Variants in FOXP2 observed in about 807,000 individuals in gnomAD.
FOXP2 encodes forkhead box P2, also known as forkhead box protein P2.
In FOXP2, 12 loss-of-function variants were observed where a neutral mutation model predicts 115.8. The ratio of observed to expected loss-of-function variants is 0.10; its 90% confidence interval spans 0.07 to 0.17. The LOEUF (loss-of-function observed/expected upper bound fraction) is 0.17. FOXP2 is among the 10% of genes least tolerant of loss of function. The pLI, the probability that FOXP2 is intolerant of heterozygous loss-of-function variation, is 1.00. For synonymous variants in FOXP2, 328 were observed against 297.7 expected, an observed-to-expected ratio of 1.10 and a Z score of -1.05; for missense variants, 629 against 843.5, an observed-to-expected ratio of 0.75 and a Z score of 3.15.
chr7:114,334,361 C>T (rs1391186919), intron 2 of FOXP2, among the ~76,000 whole-genome samples: 2 of 143,922 alleles, frequency 1.4e-5, no homozygotes, highest in East Asian at 2.2e-4. Context: ...GAAGTAGCTC[C>T]CAAATTCAAA....
At chr7:114,346,792 G>A (rs1223996315) in intron 2 of FOXP2, among the ~76,000 whole-genome samples, 1 of 151,760 alleles carries the variant, frequency 6.6e-6, no homozygotes, top group Non-Finnish European at 1.5e-5. Flanking sequence ...GATGGAGAGA[G>A]GGGAAGGGAG....
chr7:114,506,142 A>T (rs1797807915), intron 2 of FOXP2, among the ~76,000 whole-genome samples: 1 of 151,736 alleles, frequency 6.6e-6, no homozygotes. Flanking sequence ...AAATATATTG[A>T]CAAGAAAACA....
intron 3 of FOXP2, among the ~76,000 whole-genome samples, chr7:114,568,151 A>G (rs1801113792): frequency 6.6e-6 from 1 of 152,016 alleles, no homozygotes; most frequent in South Asian, 2.1e-4. Context: ...ACAGGGACAG[A>G]GAAATGTCAC....
intron 1 of FOXP2, among the ~76,000 whole-genome samples, chr7:114,211,735 G>A (rs1471839477): frequency 6.6e-6 from 1 of 152,156 alleles, no homozygotes; most frequent in African/African-American, 2.4e-5. Context: ...GGAGTCATGT[G>A]TACCTAAGAG....
chr7:114,462,277 GA>G (rs766244858), intron 2 of FOXP2, among the ~76,000 whole-genome samples: 351 of 20,776 alleles, frequency 0.017, no homozygotes, highest in East Asian at 0.036. Context: ...GAGACTCCGT[GA>G]AAAAAAAAAA....
chr7:114,094,411 CAG>C (rs981761608), intron 1 of FOXP2, among the ~76,000 whole-genome samples: 1 of 152,162 alleles, frequency 6.6e-6, no homozygotes, highest in African/African-American at 2.4e-5. Context: ...CTAACTTGCT[CAG>C]AAATTTTATT....
intron 2 of FOXP2, among the ~76,000 whole-genome samples, chr7:114,328,386 G>A (rs1315940447): frequency 3.3e-5 from 5 of 151,848 alleles, no homozygotes; most frequent in East Asian, 3.9e-4. Context: ...ACAGGTGCCC[G>A]CCACCACGCC....
At chr7:114,611,501 C>A (rs145292597) in intron 3 of FOXP2, among the ~76,000 whole-genome samples, 6 of 152,048 alleles carry the variant, frequency 3.9e-5, no homozygotes, top group African/African-American at 1.4e-4. Flanking sequence ...GCACAGGTTA[C>A]GCAGCAGTGA....
In FOXP2 at chr7:114,427,073, G is replaced by A. The variant is rs1228457406; in HGVS notation, c.168+394G>A. ...ATGAATTTCTTCAAGTCTGAGCTAA[G>A]GTGAAAAGGACCACAAGGACTTTTC... On this transcript the variant is annotated intron_variant, in intron 2 of 16. Transcript: ENST00000350908. Among the ~76,000 whole-genome samples, 4 of 151,764 alleles carry A rather than the reference G, an allele frequency of 2.6e-5. No individual in the cohort carries two copies. In the East Asian group the frequency reaches 7.8e-4, roughly 30 times the overall value.
intron 2 of FOXP2, among the ~76,000 whole-genome samples, chr7:114,336,014 G>A (rs115229859): frequency 4.6e-5 from 7 of 151,832 alleles, no homozygotes; most frequent in African/African-American, 1.4e-4. Context: ...AGTGGATATA[G>A]ATACATCTTC....
At chr7:114,454,514 A>G (rs1423486195) in intron 2 of FOXP2, among the ~76,000 whole-genome samples, 2 of 151,442 alleles carry the variant, frequency 1.3e-5, no homozygotes, top group African/African-American at 4.9e-5. Flanking sequence ...CCATCCCATT[A>G]CTGGGTATAT....
chr7:114,549,165 G>GTT (rs1188712883), intron 3 of FOXP2, among the ~76,000 whole-genome samples: 2 of 152,146 alleles, frequency 1.3e-5, no homozygotes, highest in African/African-American at 4.8e-5. Flanking sequence ...ATACTGCTGT[G>GTT]TTCTACGATC....
chr7:114,124,443 C>A (rs1219824228), intron 1 of FOXP2, among the ~76,000 whole-genome samples: 1 of 151,894 alleles, frequency 6.6e-6, no homozygotes, highest in Non-Finnish European at 1.5e-5. Context: ...GAGGTTGATG[C>A]CCACAGTTCC....
intron 1 of FOXP2, among the ~76,000 whole-genome samples, chr7:114,416,602 CT>C (rs1562912964): frequency 6.7e-6 from 1 of 149,296 alleles, no homozygotes; most frequent in Non-Finnish European, 1.5e-5. Context: ...TAATACAAAA[CT>C]TTCATTCTTA....
intron 2 of FOXP2, among the ~76,000 whole-genome samples, chr7:114,519,097 A>C (rs979718650): frequency 7.9e-5 from 12 of 152,214 alleles, no homozygotes; most frequent in Non-Finnish European, 1.5e-4. Flanking sequence ...TATCCCCTAC[A>C]TACATTTCTT....
intron 1 of FOXP2, among the ~76,000 whole-genome samples, chr7:114,425,592 G>T (rs1021347026): frequency 1.3e-5 from 2 of 151,626 alleles, no homozygotes; most frequent in Admixed American, 6.6e-5. Context: ...ATTTATTACT[G>T]TAGAGAAGGT....
intron 10 of FOXP2, among the ~76,000 whole-genome samples, chr7:114,657,405 C>T (rs1208966501): frequency 6.6e-6 from 1 of 152,166 alleles, no homozygotes; most frequent in South Asian, 2.1e-4. Context: ...TATTTGTTAA[C>T]ACATGCCACA....
At chr7:114,417,633 C>A in intron 1 of FOXP2, among the ~76,000 whole-genome samples, 1 of 151,940 alleles carries the variant, frequency 6.6e-6, no homozygotes. Context: ...TAATTTTCCA[C>A]CTCTGTTCAC....
intron 2 of FOXP2, among the ~76,000 whole-genome samples, chr7:114,374,583 T>C (rs114690865): frequency 2.5e-3 from 374 of 152,322 alleles, no homozygotes; most frequent in African/African-American, 7.2e-3. Context: ...ATGGAGCTTG[T>C]ATCCAGCGGA....
Sources: gnomAD v4.1 joint callset for allele counts (sites outside exome capture counted in the v4.1 genomes callset) on GRCh38, gnomAD v4.1.1 for gene constraint, MANE v1.5 for transcripts, NCBI Gene and HGNC (gene_info 2026-07-23, HGNC 2026-07-21) for gene names.